Variants in CWC27 observed in about 807,000 individuals in gnomAD.
The protein encoded by CWC27 is spliceosome-associated protein CWC27 homolog.
Under a neutral mutation model 63.6 loss-of-function variants are expected in CWC27, and 47 were observed. That is an observed-to-expected ratio of 0.74 (90% CI 0.58 to 0.94). The LOEUF (loss-of-function observed/expected upper bound fraction) is 0.94, where lower values mean the gene tolerates loss of function less well. Among genes scored for constraint, CWC27 ranks in the 40% least tolerant of loss-of-function variants. The probability of loss-of-function intolerance (pLI) is 0.00; values close to 1 mark genes in which losing one functional copy is unlikely to be tolerated. For missense variants in CWC27, 495 were observed against 554.3 expected (o/e 0.89, Z 1.07); for synonymous variants, 175 against 179.8 (o/e 0.97, Z 0.22).
intron 11 of CWC27, among the ~76,000 whole-genome samples, chr5:64,934,057 A>G (rs1337707527): frequency 1.3e-5 from 2 of 152,150 alleles, no homozygotes; most frequent in Admixed American, 6.6e-5. Context: ...TTATGTAAAT[A>G]TATCATTCCT....
chr5:64,791,560 A>G (rs1475166128), intron 7 of CWC27, among the ~76,000 whole-genome samples: 1 of 152,088 alleles, frequency 6.6e-6, no homozygotes, highest in South Asian at 2.1e-4. Context: ...AATACCGTTC[A>G]TTATCAAATG....
At chr5:64,861,382 T>C (rs1368146990) in intron 10 of CWC27, among the ~76,000 whole-genome samples, 3 of 152,134 alleles carry the variant, frequency 2.0e-5, no homozygotes, top group Non-Finnish European at 4.4e-5. Context: ...GTTATGTTTT[T>C]TCTTAGCAGG....
intron 10 of CWC27, chr5:64,807,722 C>G (rs1239639954): frequency 1.3e-6 from 2 of 1,535,906 alleles, no homozygotes; most frequent in Non-Finnish European, 1.7e-6. Context: ...CCAGTGCTTC[C>G]TTATTACTCA....
At chr5:64,960,763 A>T (rs1202756324) in intron 11 of CWC27, among the ~76,000 whole-genome samples, 2 of 150,990 alleles carry the variant, frequency 1.3e-5, no homozygotes, top group African/African-American at 2.4e-5. Flanking sequence ...AGTTGCTGTC[A>T]CAGAATAGCC....
chr5:64,942,851 A>G (rs1254040494), intron 11 of CWC27, among the ~76,000 whole-genome samples: 1 of 152,240 alleles, frequency 6.6e-6, no homozygotes, highest in Non-Finnish European at 1.5e-5. Context: ...TGTGCATATA[A>G]TGCCACATGT....
At position 64,801,312 on chromosome 5, in the gene CWC27, G is replaced by C; in HGVS notation, c.760G>C (p.Asp254His). The C allele has an allele frequency of 7.1e-7, 1 of 1,409,582 alleles. No homozygotes were observed. The highest frequency in any genetic ancestry group is 9.6e-7 in the Non-Finnish European group (1 of 1,045,752). 87.3% of individuals were successfully genotyped at this position (1,409,582 alleles called of 1,614,324 possible). A position where few individuals can be genotyped will look rare whatever the true frequency, so the allele number is the denominator to read the frequency against. The change falls in exon 9 of 14, where the codon GAT (aspartate) becomes CAT (histidine). Residue 254 changes from aspartate (D) to histidine (H), a missense_variant. Physicochemically the swap from Asp to His is moderately conservative, Grantham distance 81 (BLOSUM62 -1). Around this residue, in one of 3 missense-constraint regions of CWC27, gnomAD observed 463 missense variants for 498.1 expected, o/e 0.93. Transcript: ENST00000381070. The part of the protein sequence containing the change: ...SVPVVESEKG[D>H]APDLVDDGED... ...TTATTTTTTTTATAGTGAAAAAGGT[G>C]ATGCACCAGATTTAGTTGATGTAAG...
chr5:64,871,746 C>G (rs1048732519), intron 10 of CWC27, among the ~76,000 whole-genome samples: 2 of 152,014 alleles, frequency 1.3e-5, no homozygotes, highest in African/African-American at 4.8e-5. Flanking sequence ...CACAGAGCCC[C>G]AAGGCCAAAA....
chr5:64,822,284 T>A (rs551257974), intron 10 of CWC27, among the ~76,000 whole-genome samples: 2 of 152,322 alleles, frequency 1.3e-5, no homozygotes, highest in East Asian at 3.9e-4. Flanking sequence ...ACATCTACAA[T>A]ATCCAAGTGG....
intron 10 of CWC27, among the ~76,000 whole-genome samples, chr5:64,821,771 T>C (rs978906636): frequency 6.6e-6 from 1 of 152,202 alleles, no homozygotes. Context: ...TATTCAGGAT[T>C]ACTCTCCCAG....
intron 10 of CWC27, among the ~76,000 whole-genome samples, chr5:64,840,783 G>A (rs1337982513): frequency 6.6e-6 from 1 of 152,092 alleles, no homozygotes; most frequent in Non-Finnish European, 1.5e-5. Flanking sequence ...AAGGCCCTGA[G>A]GCTTGAAGTC....
chr5:64,900,115 G>A lies in CWC27; in HGVS notation c.1042+14569G>A, dbSNP rs566418426. On this transcript the variant is annotated intron_variant, in intron 11 of 13. Transcript: ENST00000381070. The stretch of plus-strand genomic sequence containing the variant: ...GTGGAATGGCTAAGTCATGTGATAG[G>A]TGTATGTTCAACTTTTTGAAAACTG... 1.2e-4 allele frequency among the ~76,000 whole-genome samples: 18 copies of A among 152,300 alleles called. No homozygotes were observed. The East Asian group carries it at 3.5e-3, about 29-fold the overall frequency.
chr5:64,970,956 GGA>G (rs1749114695), intron 11 of CWC27, among the ~76,000 whole-genome samples: 1 of 103,284 alleles, frequency 9.7e-6, no homozygotes, highest in Non-Finnish European at 1.9e-5. Context: ...AGAGAGAGAG[GGA>G]GTGTGTGTGT....
chr5:64,771,869 G>C (rs1743269100), intron 1 of CWC27, among the ~76,000 whole-genome samples: 1 of 152,068 alleles, frequency 6.6e-6, no homozygotes, highest in Non-Finnish European at 1.5e-5. Flanking sequence ...AGAAACCCTG[G>C]TGAGCAAAGT....
chr5:64,929,917 A>G (rs930202945), intron 11 of CWC27, among the ~76,000 whole-genome samples: 2 of 152,088 alleles, frequency 1.3e-5, no homozygotes, highest in Non-Finnish European at 2.9e-5. Context: ...AAAAACTTGT[A>G]CACAAATATT....
At chr5:64,859,438 A>T (rs1746344278) in intron 10 of CWC27, among the ~76,000 whole-genome samples, 1 of 152,354 alleles carries the variant, frequency 6.6e-6, no homozygotes, top group South Asian at 2.1e-4. Context: ...TATATCTCAA[A>T]GGAAAAAAAG....
At chr5:64,894,725 A>G (rs1747326753) in intron 11 of CWC27, among the ~76,000 whole-genome samples, 1 of 152,226 alleles carries the variant, frequency 6.6e-6, no homozygotes, top group Non-Finnish European at 1.5e-5. Flanking sequence ...AAACCAGGGA[A>G]TAAGTAAAGG....
chr5:64,894,514 A>G (rs1187132461), intron 11 of CWC27, among the ~76,000 whole-genome samples: 1 of 152,190 alleles, frequency 6.6e-6, no homozygotes. Flanking sequence ...TCATAAATCT[A>G]CACCTTTTTA....
intron 10 of CWC27, among the ~76,000 whole-genome samples, chr5:64,867,088 A>G (rs1481958298): frequency 6.6e-6 from 1 of 152,112 alleles, no homozygotes; most frequent in Admixed American, 6.6e-5. Context: ...AGAATGTTCA[A>G]AAGAAAAGAG....
chr5:64,889,265 G>A (rs1440069649), intron 11 of CWC27, among the ~76,000 whole-genome samples: 1 of 152,130 alleles, frequency 6.6e-6, no homozygotes, highest in Non-Finnish European at 1.5e-5. Context: ...AAGGTCTATA[G>A]TTAGTTAATA....
Sources: gnomAD v4.1 joint callset for allele counts (sites outside exome capture counted in the v4.1 genomes callset) on GRCh38, gnomAD v4.1.1 for gene constraint, gnomAD v4.1.1 regional missense constraint, MANE v1.5 for transcripts, NCBI Gene and HGNC (gene_info 2026-07-23, HGNC 2026-07-21) for gene names.